Variants in BICC1 observed in about 807,000 individuals in gnomAD.
BICC1 encodes the protein BicC family RNA binding protein 1.
A neutral mutation model predicts 111.0 loss-of-function variants in BICC1; 43 were observed. That is an observed-to-expected ratio of 0.39 (90% CI 0.30 to 0.50). The LOEUF (loss-of-function observed/expected upper bound fraction) is 0.50, where lower values mean the gene tolerates loss of function less well. BICC1 is among the 20% of genes least tolerant of loss of function. The pLI, the probability that BICC1 is intolerant of heterozygous loss-of-function variation, is 0.88. For missense variants in BICC1, 1,091 were observed against 1,203.2 expected (o/e 0.91, Z 1.38); for synonymous variants, 467 against 434.4 (o/e 1.07, Z -0.93).
At chr10:58,673,475 A>G (rs1253649208) in intron 2 of BICC1, among the ~76,000 whole-genome samples, 1 of 152,210 alleles carries the variant, frequency 6.6e-6, no homozygotes, top group Non-Finnish European at 1.5e-5. Flanking sequence ...TTAGCCTGTA[A>G]GACAGGTGCT....
rs916995286 is a variant in BICC1, at chr10:58,715,874, C to T, written c.307+13731C>T. The stretch of plus-strand genomic sequence containing the variant: ...AAGAAATCTGATAGGTATTCATCTT[C>T]TTCATCAAGCTCTGATTCTTCCAGC... On this transcript the variant is annotated intron_variant, in intron 3 of 20. Transcript: ENST00000373886. 1.7e-6 allele frequency: 2 copies of T among 1,209,658 alleles called. 1 individual carries two copies. The highest frequency in any genetic ancestry group is 2.6e-5 in the South Asian group (2 of 76,426). 74.9% of individuals were successfully genotyped at this position (1,209,658 alleles called of 1,614,324 possible).
intron 1 of BICC1, among the ~76,000 whole-genome samples, chr10:58,615,041 A>G (rs1253984730): frequency 6.6e-6 from 1 of 151,804 alleles, no homozygotes; most frequent in African/African-American, 2.4e-5. Context: ...AACTATTTTT[A>G]GCCTTAGACA....
At chr10:58,707,972 C>T (rs1471080835) in intron 3 of BICC1, among the ~76,000 whole-genome samples, 1 of 151,140 alleles carries the variant, frequency 6.6e-6, no homozygotes, top group Non-Finnish European at 1.5e-5. Context: ...GCTGGGATTA[C>T]AGGTGTGAGC....
chr10:58,800,105 G>A lies in BICC1; in HGVS notation c.1726-89G>A, dbSNP rs149721019. On this transcript the variant is annotated intron_variant, in intron 12 of 20. Coordinates refer to ENST00000373886, the MANE Select transcript of BICC1 (RefSeq NM_001080512.3). Reference sequence around the variant, plus strand: ...GTATTCCAGGGTGGTTTTCTTTTTCGTGGCTGTTATAAATGGGATTGTGTT... The same window carrying A: ...GTATTCCAGGGTGGTTTTCTTTTTCATGGCTGTTATAAATGGGATTGTGTT... The A allele has an allele frequency of 2.9e-4, 293 of 1,027,412 alleles. 1 individual carries two copies. The East Asian group carries it at 3.4e-3, about 12-fold the overall frequency. The allele number at this position is 1,027,412 out of a possible 1,614,324, so 63.6% of individuals were successfully genotyped here. A position where few individuals can be genotyped will look rare whatever the true frequency, so the allele number is the denominator to read the frequency against.
At chr10:58,528,641 C>T (rs1377527402) in intron 1 of BICC1, among the ~76,000 whole-genome samples, 2 of 151,822 alleles carry the variant, frequency 1.3e-5, no homozygotes, top group Non-Finnish European at 2.9e-5. Flanking sequence ...GGAAATAAAC[C>T]ACTTCTCCCC....
At chr10:58,516,350 A>C (rs1842241127) in intron 1 of BICC1, among the ~76,000 whole-genome samples, 1 of 152,200 alleles carries the variant, frequency 6.6e-6, no homozygotes, top group Non-Finnish European at 1.5e-5. Context: ...TGGACCAAAA[A>C]TTCAGTGAGG....
At chr10:58,604,488 A>G (rs1000489850) in intron 1 of BICC1, among the ~76,000 whole-genome samples, 3 of 152,040 alleles carry the variant, frequency 2.0e-5, no homozygotes, top group Admixed American at 1.3e-4. Context: ...ATCCAACCCC[A>G]TCTCTACTAA....
intron 1 of BICC1, among the ~76,000 whole-genome samples, chr10:58,588,085 T>G (rs1844486277): frequency 6.6e-6 from 1 of 152,206 alleles, no homozygotes; most frequent in Admixed American, 6.5e-5. Flanking sequence ...GAAATGCTTT[T>G]CCATTGTGAT....
intron 1 of BICC1, among the ~76,000 whole-genome samples, chr10:58,531,360 C>T (rs1336743981): frequency 4.0e-5 from 6 of 151,824 alleles, no homozygotes; most frequent in Non-Finnish European, 8.8e-5. Flanking sequence ...TGAAATTACA[C>T]ACATAGGCTC....
chr10:58,739,370 A>G (rs369512680), intron 3 of BICC1, among the ~76,000 whole-genome samples: 1 of 152,126 alleles, frequency 6.6e-6, no homozygotes, highest in African/African-American at 2.4e-5. Flanking sequence ...TTCTGTTTAT[A>G]TGCTGGATTA....
At chr10:58,615,593 C>T (rs2132120510) in intron 1 of BICC1, among the ~76,000 whole-genome samples, 1 of 152,268 alleles carries the variant, frequency 6.6e-6, no homozygotes, top group South Asian at 2.1e-4. Flanking sequence ...CACGTTGAAA[C>T]CCCCTACGAT....
At chr10:58,699,813 G>A (rs939169006) in intron 2 of BICC1, among the ~76,000 whole-genome samples, 2 of 151,816 alleles carry the variant, frequency 1.3e-5, no homozygotes, top group African/African-American at 4.8e-5. Flanking sequence ...TCCTGCTCCA[G>A]CCTCCTGAGA....
At chr10:58,566,368 A>G (rs1843764922) in intron 1 of BICC1, among the ~76,000 whole-genome samples, 1 of 152,120 alleles carries the variant, frequency 6.6e-6, no homozygotes. Flanking sequence ...ACACACACAT[A>G]TATGTACACC....
chr10:58,789,821 A>G lies in BICC1; in HGVS notation c.935A>G (p.Gln312Arg). ...GGGAGCAACATCAAACATATCATGC[A>G]GAGAACAGGTGCTCAGATCCACTTT... Reference protein sequence around the residue: ...RNGSNIKHIMQRTGAQIHFPD... With the variant: ...RNGSNIKHIMRRTGAQIHFPD... The change falls in exon 8 of 21, where the codon CAG becomes CGG. Residue 312 changes from glutamine to arginine, a missense_variant. Physicochemically the swap from Gln to Arg is conservative, Grantham distance 43. Transcript: ENST00000373886. 2 of 1,614,190 alleles carry G rather than the reference A, an allele frequency of 1.2e-6. No homozygotes were observed. The highest frequency in any genetic ancestry group is 1.7e-6 in the Non-Finnish European group (2 of 1,180,024).
chr10:58,666,739 A>G (rs1434576283), intron 2 of BICC1, among the ~76,000 whole-genome samples: 2 of 152,128 alleles, frequency 1.3e-5, no homozygotes, highest in Non-Finnish European at 2.9e-5. Flanking sequence ...GGGACTAAAG[A>G]CAGAAAACCA....
At chr10:58,797,287 T>C (rs1230939674) in intron 10 of BICC1, among the ~76,000 whole-genome samples, 1 of 152,230 alleles carries the variant, frequency 6.6e-6, no homozygotes, top group East Asian at 1.9e-4. Context: ...GGTCATTCAG[T>C]GTTGATTTGA....
intron 1 of BICC1, among the ~76,000 whole-genome samples, chr10:58,518,531 C>T (rs1227782927): frequency 7.1e-6 from 1 of 141,328 alleles, no homozygotes; most frequent in Non-Finnish European, 1.5e-5. Flanking sequence ...CAAATACTTG[C>T]CAAGTCTTTT....
At chr10:58,750,160 T>G (rs554939367) in intron 3 of BICC1, among the ~76,000 whole-genome samples, 1 of 152,188 alleles carries the variant, frequency 6.6e-6, no homozygotes, top group Non-Finnish European at 1.5e-5. Flanking sequence ...TTCAGGGCAT[T>G]GTGAATAGTT....
rs189359388 is a variant in BICC1, at chr10:58,708,791, C to T, written c.307+6648C>T. ...GCTGCCGTGTTGGACCTACCTAGCC[C>T]CCAGGTGGTCTTTTCCTAGTGGCAC... On this transcript the variant is annotated intron_variant, in intron 3 of 20. Coordinates refer to ENST00000373886, the MANE Select transcript of BICC1 (RefSeq NM_001080512.3). Among the ~76,000 whole-genome samples the T allele has an allele frequency of 1.6e-4, 25 of 152,298 alleles. No homozygotes were observed. The East Asian group carries it at 3.7e-3, about 22-fold the overall frequency.
Sources: allele counts gnomAD v4.1 joint callset (sites outside exome capture counted in the v4.1 genomes callset), GRCh38; gene constraint gnomAD v4.1.1; transcripts MANE v1.5; gene names NCBI Gene and HGNC (gene_info 2026-07-23, HGNC 2026-07-21).